Variants in ANOS1 observed in about 807,000 individuals in gnomAD.
The protein encoded by ANOS1 is anosmin-1.
Under a neutral mutation model 59.0 loss-of-function variants are expected in ANOS1, and 6 were observed. The ratio of observed to expected loss-of-function variants is 0.10; its 90% CI spans 0.06 to 0.20. The LOEUF is 0.20. ANOS1 is among the 10% of genes least tolerant of loss of function. The pLI, the probability that ANOS1 is intolerant of heterozygous loss-of-function variation, is 1.00. For missense variants in ANOS1, 433 were observed against 542.3 expected, an observed-to-expected ratio of 0.80 and a Z score of 2.00; for synonymous variants, 217 against 223.4, an observed-to-expected ratio of 0.97 and a Z score of 0.25.
intron 2 of ANOS1, among the ~76,000 whole-genome samples, chrX:8,669,139 C>A (rs1170693598): frequency 9.0e-6 from 1 of 111,636 alleles, no homozygotes; most frequent in Non-Finnish European, 1.9e-5. Flanking sequence ...ACAGCAAGTC[C>A]TTTCATTGTG....
Position 8,694,220 on chromosome X carries a change from G to T in ANOS1, c.255+5478C>A, listed in dbSNP as rs192730166. ...TCAGACTCTATTGGAACGAGCAAAT[G>T]AAATGCATTTAAAGAAAATGTTAAA... is the stretch of plus-strand genomic sequence containing the variant. On this transcript the variant is annotated intron_variant, in intron 2 of 13. Coordinates refer to ENST00000262648, the MANE Select transcript of ANOS1 (RefSeq NM_000216.4). Among the ~76,000 whole-genome samples the T allele has an allele frequency of 4.1e-3, 461 of 111,702 alleles. 1 individual carries two copies. The highest frequency in any genetic ancestry group is 6.1e-3 in the Admixed American group (64 of 10,545).
intron 2 of ANOS1, among the ~76,000 whole-genome samples, chrX:8,689,478 G>C (rs145375782): frequency 0.041 from 4,511 of 109,888 alleles, 248 homozygotes; most frequent in African/African-American, 0.14. Context: ...TGTACAAGTG[G>C]CTTGAGCTCA....
intron 1 of ANOS1, among the ~76,000 whole-genome samples, chrX:8,705,244 T>C (rs1171721929): frequency 8.9e-6 from 1 of 111,912 alleles, no homozygotes; most frequent in African/African-American, 3.2e-5. Context: ...CATTTGTCTA[T>C]TGCAAAAATT....
intron 3 of ANOS1, among the ~76,000 whole-genome samples, chrX:8,608,036 C>A (rs1610049): frequency 0.36 from 39,729 of 110,666 alleles, 5,153 homozygotes; most frequent in South Asian, 0.43. Flanking sequence ...AGAGAGGGAA[C>A]AGAAACAAAT....
intron 1 of ANOS1, among the ~76,000 whole-genome samples, chrX:8,706,469 T>C (rs754424539): frequency 8.9e-6 from 1 of 112,360 alleles, no homozygotes; most frequent in East Asian, 2.8e-4. Context: ...GATGAAACTA[T>C]AGATACAAGT....
intron 3 of ANOS1, among the ~76,000 whole-genome samples, chrX:8,602,632 CA>C (rs1379554304): frequency 4.5e-5 from 5 of 111,366 alleles, no homozygotes; most frequent in African/African-American, 1.6e-4. Flanking sequence ...GTAATGAAGG[CA>C]AATTGTTAAC....
intron 2 of ANOS1, among the ~76,000 whole-genome samples, chrX:8,659,630 C>CTTCCTTCT (rs796320426): frequency 0.03 from 1,358 of 45,099 alleles, 27 homozygotes; most frequent in African/African-American, 0.082. Context: ...TCCTTCCTTC[C>CTTCCTTCT]TTCTTTCTTT....
chrX:8,589,873 T>C (rs774707515), intron 4 of ANOS1, among the ~76,000 whole-genome samples: 1 of 112,478 alleles, frequency 8.9e-6, no homozygotes, highest in South Asian at 3.7e-4. Flanking sequence ...ATGACAACTT[T>C]ATTCTTTAGG....
At chrX:8,640,115 T>C (rs769725350) in intron 2 of ANOS1, among the ~76,000 whole-genome samples, 2 of 111,027 alleles carry the variant, frequency 1.8e-5, no homozygotes, top group East Asian at 5.7e-4. Context: ...CCGGGCACCA[T>C]CATCACCATA....
chrX:8,607,384 G>A (rs1930960972), intron 3 of ANOS1, among the ~76,000 whole-genome samples: 1 of 111,908 alleles, frequency 8.9e-6, no homozygotes, highest in Non-Finnish European at 1.9e-5. Context: ...GAGAAAAGCA[G>A]AAACACGCAT....
At chrX:8,642,311 G>A (rs1931678259) in intron 2 of ANOS1, among the ~76,000 whole-genome samples, 1 of 111,465 alleles carries the variant, frequency 9.0e-6, no homozygotes, top group African/African-American at 3.3e-5. Context: ...TCTAGAATGA[G>A]TCAATCTATG....
At chrX:8,605,578 G>A (rs1161669710) in intron 3 of ANOS1, among the ~76,000 whole-genome samples, 5 of 104,080 alleles carry the variant, frequency 4.8e-5, no homozygotes, top group Admixed American at 3.1e-4. Flanking sequence ...CCTGGGAGGC[G>A]GAGGTTGCAG....
intron 3 of ANOS1, among the ~76,000 whole-genome samples, chrX:8,615,283 G>A (rs186399907): frequency 7.9e-4 from 88 of 111,491 alleles, no homozygotes; most frequent in Non-Finnish European, 1.3e-3. Context: ...GGTGGCTCAC[G>A]CCTGTAATTC....
chrX:8,560,548 T>A (rs895333572), intron 8 of ANOS1, among the ~76,000 whole-genome samples: 1 of 112,503 alleles, frequency 8.9e-6, no homozygotes, highest in African/African-American at 3.2e-5. Flanking sequence ...CCTGTGCCAA[T>A]AAAGTCTTAT....
chrX:8,722,574 T>TACAC (rs774803381), intron 1 of ANOS1, among the ~76,000 whole-genome samples: 88 of 102,142 alleles, frequency 8.6e-4, no homozygotes, highest in African/African-American at 2.2e-3. Context: ...ATTATGTGTG[T>TACAC]ACACACACAC....
chrX:8,652,700 T>C (rs1420335481), intron 2 of ANOS1, among the ~76,000 whole-genome samples: 1 of 111,452 alleles, frequency 9.0e-6, no homozygotes, highest in African/African-American at 3.3e-5. Flanking sequence ...AGAGCTCTTC[T>C]TCATGGCATG....
chrX:8,721,267 C>T (rs1192902153), intron 1 of ANOS1, among the ~76,000 whole-genome samples: 1 of 111,503 alleles, frequency 9.0e-6, no homozygotes, highest in African/African-American at 3.3e-5. Context: ...GCTGTTTCCC[C>T]TCTGTCTTCT....
At chrX:8,661,741 CT>C (rs74415571) in intron 2 of ANOS1, among the ~76,000 whole-genome samples, 15,866 of 111,421 alleles carry the variant, frequency 0.14, 1,821 homozygotes, top group African/African-American at 0.38. Flanking sequence ...TCCTTGCCCC[CT>C]GATGGTCCTG....
chrX:8,649,639 A>T (rs1389592055), intron 2 of ANOS1, among the ~76,000 whole-genome samples: 1 of 112,858 alleles, frequency 8.9e-6, no homozygotes, highest in Non-Finnish European at 1.9e-5. Context: ...TCAGTGAACG[A>T]ATACAACAAT....
Sources: allele counts gnomAD v4.1 joint callset (sites outside exome capture counted in the v4.1 genomes callset), GRCh38; gene constraint gnomAD v4.1.1; transcripts MANE v1.5; gene names NCBI Gene and HGNC (gene_info 2026-07-23, HGNC 2026-07-21).